PCDHA1: variants seen among roughly 807,000 people sequenced by gnomAD.
The protein encoded by PCDHA1 is protocadherin alpha 1, also known as protocadherin alpha-1.
In PCDHA1, 42 loss-of-function variants were observed where a neutral mutation model predicts 61.3. The ratio of observed to expected loss-of-function variants is 0.69; its 90% CI spans 0.54 to 0.89. PCDHA1 has a LOEUF of 0.89. Among genes scored for constraint, PCDHA1 ranks in the 40% least tolerant of loss-of-function variants. PCDHA1 has a pLI of 0.00. For missense variants in PCDHA1, 1,256 were observed against 1,235.3 expected, an observed-to-expected ratio of 1.02 and a Z score of -0.25; for synonymous variants, 610 against 553.8, an observed-to-expected ratio of 1.10 and a Z score of -1.43.
At chr5:140,946,191 CAAAAG>C (rs2093900144) in intron 1 of PCDHA1, among the ~76,000 whole-genome samples, 1 of 151,950 alleles carries the variant, frequency 6.6e-6, no homozygotes, top group Non-Finnish European at 1.5e-5. Flanking sequence ...AGACATTTCT[CAAAAG>C]AAAGCACACA....
chr5:140,861,353 T>C lies in PCDHA1; in HGVS notation c.2394+72669T>C, dbSNP rs79040493. The C allele has an allele frequency of 1.3e-3, 424 of 327,094 alleles. 1 individual carries two copies. Among genetic ancestry groups the C allele is most frequent in the African/African-American group, 8.5e-3 (393 of 46,466 alleles). The allele number at this position is 327,094 out of a possible 1,614,324, so 20.3% of individuals were successfully genotyped here. On this transcript the variant is annotated intron_variant, in intron 1 of 3. Coordinates refer to ENST00000504120, the MANE Select transcript of PCDHA1 (RefSeq NM_018900.4). ...CCTGGAAGAGGCCAAGGACGGCACA[T>C]AGCGTCTTCGCGGTCCCTATTGCGC...
intron 1 of PCDHA1, among the ~76,000 whole-genome samples, chr5:140,921,271 A>C (rs1190111273): frequency 1.3e-5 from 2 of 152,142 alleles, no homozygotes; most frequent in East Asian, 1.9e-4. Flanking sequence ...TTTTATACTT[A>C]CTTGAAAAAA....
At chr5:140,825,993 T>TA (rs1348661187) in intron 1 of PCDHA1, 1 of 152,282 alleles carries the variant, frequency 6.6e-6, no homozygotes, top group East Asian at 1.9e-4. Context: ...TTATAGGTAG[T>TA]AAATAGTCCA....
intron 1 of PCDHA1, among the ~76,000 whole-genome samples, chr5:140,971,561 A>G (rs367567903): frequency 1.3e-3 from 195 of 152,186 alleles, no homozygotes; most frequent in African/African-American, 4.3e-3. Context: ...TTAAATTCCC[A>G]TGTTGGGCTT....
chr5:140,937,648 CACGCCTGTAATCCCAGCACT>C (rs1554211703), intron 1 of PCDHA1, among the ~76,000 whole-genome samples: 3 of 150,626 alleles, frequency 2.0e-5, no homozygotes, highest in South Asian at 4.2e-4. Flanking sequence ...CATGGTGGCT[CACGCCTGTAATCCCAGCACT>C]TTGGGAGGCT....
At chr5:140,822,061 C>T in intron 1 of PCDHA1, 1 of 1,614,168 alleles carries the variant, frequency 6.2e-7, no homozygotes. Context: ...GGAGCTGTGC[C>T]GGCGGAGGGC....
chr5:140,868,946 G>C, intron 1 of PCDHA1: 1 of 1,292,216 alleles, frequency 7.7e-7, no homozygotes, highest in Non-Finnish European at 1.1e-6. Flanking sequence ...TCTGAACAGT[G>C]AGGCACTCCC....
chr5:140,851,332 C>T (rs2042029710), intron 1 of PCDHA1: 1 of 971,624 alleles, frequency 1.0e-6, no homozygotes, highest in Non-Finnish European at 1.3e-6. Context: ...GTTTGTAGTT[C>T]TCTACATTTC....
intron 1 of PCDHA1, chr5:140,882,003 G>C: frequency 2.0e-6 from 1 of 492,180 alleles, no homozygotes; most frequent in Non-Finnish European, 3.4e-6. Flanking sequence ...AATGCAAGGG[G>C]CAAAAAAATA....
At chr5:140,804,977 T>A in intron 1 of PCDHA1, 1 of 1,501,798 alleles carries the variant, frequency 6.7e-7, no homozygotes, top group South Asian at 1.3e-5. Context: ...AGTGTGTCCA[T>A]CTCAGGTCAG....
intron 1 of PCDHA1, chr5:140,863,439 T>C (rs781855193): frequency 3.3e-6 from 2 of 606,238 alleles, no homozygotes; most frequent in East Asian, 4.7e-5. Context: ...GATCTGGTCT[T>C]ACTCGCAGCA....
intron 1 of PCDHA1, among the ~76,000 whole-genome samples, chr5:140,921,179 GT>G (rs1563044506): frequency 6.6e-6 from 1 of 151,662 alleles, no homozygotes; most frequent in South Asian, 2.1e-4. Context: ...ATAAAGCACA[GT>G]TTTTTCACAA....
intron 3 of PCDHA1, among the ~76,000 whole-genome samples, chr5:140,994,821 T>C (rs2097651680): frequency 6.6e-6 from 1 of 152,052 alleles, no homozygotes. Flanking sequence ...AAAAACTGAA[T>C]TGTGTAGTCT....
At chr5:140,920,718 C>A (rs183020461) in intron 1 of PCDHA1, among the ~76,000 whole-genome samples, 3 of 152,168 alleles carry the variant, frequency 2.0e-5, no homozygotes, top group East Asian at 3.9e-4. Context: ...GTGGTGTGCG[C>A]CTGCAGTCCC....
intron 1 of PCDHA1, among the ~76,000 whole-genome samples, chr5:140,959,960 T>C (rs1236536895): frequency 6.6e-6 from 1 of 152,124 alleles, no homozygotes; most frequent in Non-Finnish European, 1.5e-5. Context: ...AGGTAGGAGG[T>C]AGATGTTACT....
At chr5:141,005,093 G>A (rs1441843884) in intron 3 of PCDHA1, among the ~76,000 whole-genome samples, 1 of 152,172 alleles carries the variant, frequency 6.6e-6, no homozygotes, top group East Asian at 1.9e-4. Flanking sequence ...TACTTTACAT[G>A]CATTACATCA....
rs1016261014 is a variant in PCDHA1 at position 140,830,559 on chromosome 5, A to G, written c.2394+41875A>G. ...ATTGTTTTCCTCATATTTGTCTTCT[A>G]TATTTCTGTTTTTAATTTTTAATTA... On this transcript the variant is annotated intron_variant, in intron 1 of 3. Transcript: ENST00000504120. 69 of 1,015,108 alleles carry G rather than the reference A, an allele frequency of 6.8e-5. 1 individual carries two copies. Among genetic ancestry groups the G allele is most frequent in the African/African-American group, 1.5e-4 (9 of 59,492 alleles). The allele number at this position is 1,015,108 out of a possible 1,614,324, so 62.9% of individuals were successfully genotyped here.
intron 1 of PCDHA1, among the ~76,000 whole-genome samples, chr5:140,878,256 C>G (rs2057518420): frequency 6.6e-6 from 1 of 152,160 alleles, no homozygotes; most frequent in Admixed American, 6.5e-5. Flanking sequence ...TCCTCACGTG[C>G]TTAGGCTTTT....
At position 140,841,443 on chromosome 5, in the gene PCDHA1, A is replaced by G. The variant is rs2150315650; in HGVS notation, c.2394+52759A>G. 1.2e-6 allele frequency: 2 copies of G among 1,612,892 alleles called. 1 individual carries two copies. Among genetic ancestry groups the G allele is most frequent in the Non-Finnish European group, 1.7e-6 (2 of 1,179,848 alleles). On this transcript the variant is annotated intron_variant, in intron 1 of 3. Transcript: ENST00000504120. ...TACTCCGTCCCCGAGGAGGCCAAAC[A>G]CGGCACCTTCGTGGGCCGGATCGCG...
Sources: allele counts gnomAD v4.1 joint callset (sites outside exome capture counted in the v4.1 genomes callset), GRCh38; gene constraint gnomAD v4.1.1; transcripts MANE v1.5; gene names NCBI Gene and HGNC (gene_info 2026-07-23, HGNC 2026-07-21).